The following RABGAP1L variants were observed in gnomAD, a reference collection of about 807,000 sequenced individuals.
RABGAP1L encodes the protein RAB GTPase activating protein 1 like.
RABGAP1L carries 63 observed loss-of-function variants against 137.7 expected under a neutral mutation model. The ratio of observed to expected loss-of-function variants is 0.46; its 90% CI spans 0.37 to 0.56. The LOEUF (loss-of-function observed/expected upper bound fraction) is 0.56. Ranked by LOEUF, RABGAP1L falls within the 20% of genes least tolerant of loss-of-function variation. RABGAP1L has a pLI of 0.00. For missense variants in RABGAP1L, 1,095 were observed against 1,244.0 expected (o/e 0.88, Z 1.80); for synonymous variants, 431 against 433.7 (o/e 0.99, Z 0.08).
chr1:174,537,806 T>G (rs991337878), intron 13 of RABGAP1L, among the ~76,000 whole-genome samples: 3 of 152,164 alleles, frequency 2.0e-5, no homozygotes, highest in Admixed American at 2.0e-4. Context: ...AGTTATAATT[T>G]TTTTCAACTC....
chr1:174,819,082 C>T (rs1690733406), intron 19 of RABGAP1L, among the ~76,000 whole-genome samples: 1 of 147,516 alleles, frequency 6.8e-6, no homozygotes, highest in South Asian at 2.2e-4. Context: ...ACTTGATTGG[C>T]TGAAGTGGAA....
At chr1:174,853,841 G>A (rs1648803731) in intron 19 of RABGAP1L, among the ~76,000 whole-genome samples, 1 of 152,182 alleles carries the variant, frequency 6.6e-6, no homozygotes, top group South Asian at 2.1e-4. Flanking sequence ...TAAAGGAAAG[G>A]GAAGTATGGT....
At chr1:174,669,619 C>T (rs1317022374) in intron 14 of RABGAP1L, among the ~76,000 whole-genome samples, 1 of 152,154 alleles carries the variant, frequency 6.6e-6, no homozygotes, top group African/African-American at 2.4e-5. Flanking sequence ...AGTTTCAAGT[C>T]TTAACATCTT....
chr1:174,406,357 A>G (rs138536089), intron 13 of RABGAP1L, among the ~76,000 whole-genome samples: 1 of 152,288 alleles, frequency 6.6e-6, no homozygotes, highest in East Asian at 1.9e-4. Context: ...AAATGTGTTT[A>G]ATAGTTTTGA....
chr1:174,519,141 G>A (rs1231997107), intron 13 of RABGAP1L, among the ~76,000 whole-genome samples: 5 of 149,750 alleles, frequency 3.3e-5, no homozygotes, highest in Non-Finnish European at 7.4e-5. Context: ...TAATATATAT[G>A]TATATACTTT....
intron 19 of RABGAP1L, among the ~76,000 whole-genome samples, chr1:174,862,543 G>A (rs938902696): frequency 6.6e-6 from 1 of 152,152 alleles, no homozygotes; most frequent in Non-Finnish European, 1.5e-5. Flanking sequence ...ATGTGTTAAA[G>A]TACCCATCTC....
At chr1:174,884,451 TAAC>T (rs758112306) in intron 19 of RABGAP1L, among the ~76,000 whole-genome samples, 9 of 152,318 alleles carry the variant, frequency 5.9e-5, no homozygotes, top group Non-Finnish European at 1.2e-4. Flanking sequence ...AGAATAAACA[TAAC>T]AATTAAGATT....
Position 174,907,661 on chromosome 1 carries a change from C to CT in RABGAP1L, c.2341-49788dup, listed in dbSNP as rs904104758. Among the ~76,000 whole-genome samples the CT allele has an allele frequency of 7.2e-5, 11 of 151,894 alleles. 1 individual carries two copies. Among genetic ancestry groups the CT allele is most frequent in the Admixed American group, 2.0e-4 (3 of 15,228 alleles). ...AATAATTTGTTATATCTATAAGATG[C>CT]TTTTTTTTCTCATGATAAGCACAGT... On this transcript the variant is annotated intron_variant, in intron 19 of 25. Transcript: ENST00000681986.
intron 19 of RABGAP1L, among the ~76,000 whole-genome samples, chr1:174,823,452 T>C (rs1052110213): frequency 3.3e-5 from 5 of 152,318 alleles, no homozygotes; most frequent in African/African-American, 9.6e-5. Flanking sequence ...ATTAACATTA[T>C]GTTTAAAGTG....
intron 13 of RABGAP1L, chr1:174,449,067 T>G: frequency 6.2e-7 from 1 of 1,614,086 alleles, no homozygotes; most frequent in Admixed American, 1.7e-5. Context: ...ATATACAGCC[T>G]CTCCAACAGC....
rs1307442285 is a variant in RABGAP1L at position 174,180,506 on chromosome 1, C to T, written c.-34+20849C>T. Among the ~76,000 whole-genome samples, 6 of 152,256 alleles carry T rather than the reference C, an allele frequency of 3.9e-5. 1 individual carries two copies. The South Asian group carries it at 1.0e-3, about 26-fold the overall frequency. On this transcript the variant is annotated intron_variant, in intron 1 of 25. Transcript: ENST00000681986. Reference sequence around the variant, plus strand: ...TTGAGATAAGGTCTCACTCTGTCACCTACCTTAGAGTACAATAGTGTGATC... The same window carrying T: ...TTGAGATAAGGTCTCACTCTGTCACTTACCTTAGAGTACAATAGTGTGATC...
At chr1:174,447,898 C>T (rs1302019265) in intron 13 of RABGAP1L, among the ~76,000 whole-genome samples, 2 of 125,072 alleles carry the variant, frequency 1.6e-5, no homozygotes, top group African/African-American at 2.9e-5. Context: ...CCGCCCCCCC[C>T]CCACCCCCCC....
chr1:174,957,723 C>CTTTTTTTTTTTTTTTTTTTTTTTT, intron 20 of RABGAP1L, 174 bp downstream of exon 20: 2 of 505,572 alleles, frequency 4.0e-6, no homozygotes, highest in Non-Finnish European at 3.4e-6. Context: ...AGCAAAGTAC[C>CTTTTTTTTTTTTTTTTTTTTTTTT]TTTTTTTTTT....
At chr1:174,456,901 C>G (rs1359758520) in intron 13 of RABGAP1L, among the ~76,000 whole-genome samples, 4 of 152,024 alleles carry the variant, frequency 2.6e-5, no homozygotes, top group Non-Finnish European at 5.9e-5. Context: ...TGGATTTAAT[C>G]TGAATTAACC....
chr1:174,898,755 A>G (rs1370404678), intron 19 of RABGAP1L, among the ~76,000 whole-genome samples: 2 of 152,200 alleles, frequency 1.3e-5, no homozygotes, highest in Non-Finnish European at 2.9e-5. Context: ...TGTTTTAATA[A>G]ATATTTTTAG....
chr1:174,403,989 T>C (rs1319380352), intron 13 of RABGAP1L, among the ~76,000 whole-genome samples: 1 of 152,184 alleles, frequency 6.6e-6, no homozygotes, highest in Non-Finnish European at 1.5e-5. Context: ...CAGGTATTAC[T>C]CTCATTCACT....
chr1:174,878,990 G>A (rs1653676099), intron 19 of RABGAP1L, among the ~76,000 whole-genome samples: 1 of 129,186 alleles, frequency 7.7e-6, no homozygotes, highest in Non-Finnish European at 1.5e-5. Flanking sequence ...CTGGAGTACA[G>A]TGACACGATT....
intron 13 of RABGAP1L, among the ~76,000 whole-genome samples, chr1:174,516,621 C>T (rs955147711): frequency 2.6e-5 from 4 of 152,230 alleles, no homozygotes; most frequent in South Asian, 2.1e-4. Context: ...TAGATAATTA[C>T]AGTAGATAAT....
chr1:174,374,517 C>T (rs983687459), intron 12 of RABGAP1L, among the ~76,000 whole-genome samples: 1 of 130,604 alleles, frequency 7.7e-6, no homozygotes, highest in Non-Finnish European at 1.5e-5. Context: ...CAAAACAGCT[C>T]CTAGATATCA....
Sources: allele counts gnomAD v4.1 joint callset (sites outside exome capture counted in the v4.1 genomes callset), GRCh38; gene constraint gnomAD v4.1.1; transcripts MANE v1.5; gene names NCBI Gene and HGNC (gene_info 2026-07-23, HGNC 2026-07-21).